The following KLC4 variants were observed in gnomAD, a reference collection of about 807,000 sequenced individuals.
KLC4 encodes kinesin light chain 4.
KLC4 carries 49 observed loss-of-function variants against 77.2 expected under a neutral mutation model. That is an observed-to-expected ratio of 0.63 (90% CI 0.50 to 0.80). The LOEUF (loss-of-function observed/expected upper bound fraction) is 0.80, where lower values mean the gene tolerates loss of function less well. KLC4 is among the 30% of genes least tolerant of loss of function. The pLI is 0.00. For synonymous variants in KLC4, 274 were observed against 314.5 expected (o/e 0.87, Z 1.36); for missense variants, 669 against 793.5 (o/e 0.84, Z 1.89).
rs538607027 is a variant in KLC4 at position 43,062,693 on chromosome 6, T to C, written c.259-224T>C. ...GAGGCCAGTGAGGAAGTTATTGTAA[T>C]AATTTGGGTAGGAATTGATAGTGGC... On this transcript the variant is annotated intron_variant, in intron 2 of 15. Coordinates refer to ENST00000347162, the MANE Select transcript of KLC4 (RefSeq NM_201521.3). The C allele has an allele frequency of 5.6e-5, 32 of 573,396 alleles. No individual in the cohort carries two copies. The East Asian group carries it at 9.3e-4, about 17-fold the overall frequency. 35.5% of individuals were successfully genotyped at this position (573,396 alleles called of 1,614,324 possible).
At chr6:43,071,648 G>A (rs751991427) in intron 10 of KLC4, 29 bp downstream of exon 10, 2 of 1,607,300 alleles carry the variant, frequency 1.2e-6, no homozygotes, top group Non-Finnish European at 1.7e-6. Flanking sequence ...GGCCAGCCTG[G>A]GGAGCTCAAG....
intron 4 of KLC4, 87 bp from the exon 5 acceptor site, chr6:43,066,219 A>T (rs1765413012): frequency 8.7e-7 from 1 of 1,144,828 alleles, no homozygotes; most frequent in African/African-American, 1.5e-5. Flanking sequence ...GGGCACAAGT[A>T]TGGAACAAGA....
chr6:43,064,210 T>C (rs1765306321), intron 3 of KLC4, among the ~76,000 whole-genome samples: 1 of 152,148 alleles, frequency 6.6e-6, no homozygotes, highest in Non-Finnish European at 1.5e-5. Flanking sequence ...TGTGACAAAA[T>C]ACAAAGCAGC....
In KLC4 at chr6:43,071,633, AG is replaced by A. The variant is rs1312196733; in HGVS notation, c.1308+20del. The A allele has an allele frequency of 6.2e-7, 1 of 1,612,654 alleles. No individual in the cohort carries two copies. The highest frequency in any genetic ancestry group is 8.5e-7 in the Non-Finnish European group (1 of 1,179,198). ...GAAATGAGCAAAGTGAGTGGGGGGA[AG>A]GGGGGCCAGCCTGGGGAGCTCAAGG... On this transcript the variant is annotated intron_variant, in intron 10 of 15. Coordinates refer to ENST00000347162, the MANE Select transcript of KLC4 (RefSeq NM_201521.3).
At chr6:43,071,480 A>G in intron 9 of KLC4, 87 bp from the exon 10 acceptor site, 1 of 1,549,142 alleles carries the variant, frequency 6.5e-7, no homozygotes, top group South Asian at 1.1e-5. Flanking sequence ...AGACCCCTTC[A>G]GTCCAGCCTG....
At chr6:43,065,072 T>G (rs1183872623) in intron 3 of KLC4, among the ~76,000 whole-genome samples, 1 of 152,066 alleles carries the variant, frequency 6.6e-6, no homozygotes, top group Non-Finnish European at 1.5e-5. Context: ...AAACTTTTTT[T>G]TTTCTTTTTT....
In KLC4 at chr6:43,061,318, A is replaced by T; in HGVS notation, c.-18A>T. On this transcript the variant is annotated 5_prime_UTR_variant, in exon 2 of 16. Transcript: ENST00000347162. ...TCTGTTGTTTCTCCCTAGACCGGGCAAGGTCCCCCAGGCCAGGATGTCAGG... is the reference window on the plus strand; with the variant it reads ...TCTGTTGTTTCTCCCTAGACCGGGCTAGGTCCCCCAGGCCAGGATGTCAGG... 1 of 1,612,276 alleles carries T rather than the reference A, an allele frequency of 6.2e-7. No homozygotes were observed. The highest frequency in any genetic ancestry group is 8.5e-7 in the Non-Finnish European group (1 of 1,179,352).
intron 14 of KLC4, chr6:43,073,659 G>GAAA (rs368777070): frequency 1.6e-5 from 6 of 370,252 alleles, no homozygotes; most frequent in African/African-American, 2.3e-5. Context: ...AAAAAAAAAA[G>GAAA]AAAAAAAAAA....
chr6:43,064,282 T>G (rs939070055), intron 3 of KLC4, among the ~76,000 whole-genome samples: 2 of 152,200 alleles, frequency 1.3e-5, no homozygotes, highest in African/African-American at 4.8e-5. Flanking sequence ...GAGAAATGTC[T>G]CTGAGGGCTG....
intron 12 of KLC4, 93 bp downstream of exon 12, chr6:43,072,348 G>T: frequency 1.1e-6 from 1 of 942,526 alleles, no homozygotes; most frequent in Non-Finnish European, 1.7e-6. Context: ...AAGAATAAGC[G>T]GAAAGGCTGA....
In KLC4 at chr6:43,059,667, CCA is replaced by C; in HGVS notation, c.-40_-39del. 1 of 1,346,886 alleles carries C rather than the reference CCA, an allele frequency of 7.4e-7. No individual in the cohort carries two copies. The highest frequency in any genetic ancestry group is 1.5e-5 in the African/African-American group (1 of 67,708). 83.4% of individuals were successfully genotyped at this position (1,346,886 alleles called of 1,614,324 possible). The stretch of plus-strand genomic sequence containing the variant: ...GGGGCAGTACCGGCAAGAGCGGCAG[CCA>C]CACCGGCAGATTGCAGGTGAGTCTT... On this transcript the variant is annotated 5_prime_UTR_variant, in exon 1 of 16. Coordinates refer to ENST00000347162, the MANE Select transcript of KLC4 (RefSeq NM_201521.3).
chr6:43,072,850 G>A lies in KLC4; in HGVS notation c.1515G>A (p.Lys505=). Residue 505 remains lysine, a synonymous_variant, in exon 13 of 16, where the codon AAG becomes AAA. Coordinates refer to ENST00000347162, the MANE Select transcript of KLC4 (RefSeq NM_201521.3). ...GCACTGACCCTATCAGCCAGACGAA[G>A]GTGGCAGAGCTGCTTGGGGAGAGTG... ...RQGTDPISQT[K]VAELLGESDG... 5 of 1,613,922 alleles carry A rather than the reference G, an allele frequency of 3.1e-6. No individual in the cohort carries two copies. The highest frequency in any genetic ancestry group is 1.3e-5 in the African/African-American group (1 of 75,016).
intron 15 of KLC4, 121 bp from the exon 16 acceptor site, chr6:43,074,501 C>G: frequency 5.6e-6 from 5 of 888,254 alleles, no homozygotes; most frequent in Admixed American, 1.9e-5. Flanking sequence ...TAGACTGGTC[C>G]AGAGACAGAT....
intron 15 of KLC4, chr6:43,074,279 C>A: frequency 2.2e-6 from 1 of 449,488 alleles, no homozygotes; most frequent in South Asian, 4.2e-5. Context: ...CATCCTGCAG[C>A]CGCCTTAGTA....
Position 43,072,845 on chromosome 6 carries a change from A to G in KLC4, c.1510A>G (p.Thr504Ala). 1 of 1,613,960 alleles carries G rather than the reference A, an allele frequency of 6.2e-7. No individual in the cohort carries two copies. The highest frequency in any genetic ancestry group is 8.5e-7 in the Non-Finnish European group (1 of 1,179,902). The change falls in exon 13 of 16, where the codon ACG becomes GCG. Residue 504 changes from threonine (T) to alanine (A), a missense_variant. Coordinates refer to ENST00000347162, the MANE Select transcript of KLC4 (RefSeq NM_201521.3). ...CCAGGGCACTGACCCTATCAGCCAG[A>G]CGAAGGTGGCAGAGCTGCTTGGGGA... is the stretch of plus-strand genomic sequence containing the variant. ...RRQGTDPISQ[T>A]KVAELLGESD...
Position 43,061,425 on chromosome 6 carries a change from C to T in KLC4, c.90C>T (p.Ser30=). Residue 30 remains serine (S), a synonymous_variant, in exon 2 of 16, where the codon AGC becomes AGT. Transcript: ENST00000347162. ...EEILGSTRLV[S]QGLEALRSEH... Reference sequence around the variant, plus strand: ...TCCTGGGGAGCACACGGCTGGTCAGCCAAGGGCTAGAGGCCCTACGCAGTG... The same window carrying T: ...TCCTGGGGAGCACACGGCTGGTCAGTCAAGGGCTAGAGGCCCTACGCAGTG... The T allele has an allele frequency of 6.2e-7, 1 of 1,614,144 alleles. No individual in the cohort carries two copies. Among genetic ancestry groups the T allele is most frequent in the Non-Finnish European group, 8.5e-7 (1 of 1,180,040 alleles).
chr6:43,071,883 C>T lies in KLC4; in HGVS notation c.1340C>T (p.Ala447Val). The change falls in exon 11 of 16, where the codon GCT becomes GTT. Residue 447 changes from alanine to valine, a missense_variant. Physicochemically the swap from Ala to Val is moderately conservative, Grantham distance 64. Coordinates refer to ENST00000347162, the MANE Select transcript of KLC4 (RefSeq NM_201521.3). ...SRHHEGGTPYAEYGGWYKACK... is the reference protein window; with the variant it reads ...SRHHEGGTPYVEYGGWYKACK... ...CACCATGAGGGTGGGACACCCTATG[C>T]TGAGTATGGAGGCTGGTACAAGGCC... 1 of 1,612,452 alleles carries T rather than the reference C, an allele frequency of 6.2e-7. No individual in the cohort carries two copies. The highest frequency in any genetic ancestry group is 1.7e-4 in the Middle Eastern group (1 of 5,762).
chr6:43,073,973 C>T lies in KLC4; in HGVS notation c.1809+8C>T, dbSNP rs762747818. On this transcript the variant is annotated splice_region_variant and intron_variant, in intron 15 of 15. Coordinates refer to ENST00000347162, the MANE Select transcript of KLC4 (RefSeq NM_201521.3). The stretch of plus-strand genomic sequence containing the variant: ...AGTGCAGCACCCCTCCAGGTGAGAG[C>T]AGTGCTTGTGAGCATATTGGTGGGT... The T allele has an allele frequency of 4.4e-6, 7 of 1,602,334 alleles. No homozygotes were observed. The Admixed American group carries it at 5.1e-5, about 12-fold the overall frequency.
chr6:43,067,101 T>TCCCCCC lies in KLC4; in HGVS notation c.879+22_879+23insCCCCCC. On this transcript the variant is annotated intron_variant, in intron 6 of 15. Transcript: ENST00000347162. The stretch of plus-strand genomic sequence containing the variant: ...ATCCTGCTGTCAGTATTCCTTGCCC[T>TCCCCCC]CCCCACCCCACGCCCCGCACCCCCC... 1.3e-6 allele frequency: 2 copies of TCCCCCC among 1,584,664 alleles called. No homozygotes were observed. Among genetic ancestry groups the TCCCCCC allele is most frequent in the African/African-American group, 1.4e-5 (1 of 74,072 alleles).
Sources: allele counts gnomAD v4.1 joint callset (sites outside exome capture counted in the v4.1 genomes callset), GRCh38; gene constraint gnomAD v4.1.1; transcripts MANE v1.5; gene names NCBI Gene and HGNC (gene_info 2026-07-23, HGNC 2026-07-21).